PIEZO2: variants seen among roughly 807,000 people sequenced by gnomAD.
The protein encoded by PIEZO2 is piezo-type mechanosensitive ion channel component 2.
Under a neutral mutation model 337.3 loss-of-function variants are expected in PIEZO2, and 172 were observed. The ratio of observed to expected loss-of-function variants is 0.51; its 90% CI spans 0.45 to 0.58. The LOEUF (loss-of-function observed/expected upper bound fraction) is 0.58, where lower values mean the gene tolerates loss of function less well. Among genes scored for constraint, PIEZO2 ranks in the 20% least tolerant of loss-of-function variants. The probability of loss-of-function intolerance (pLI) is 0.00; values close to 1 mark genes in which losing one functional copy is unlikely to be tolerated. For synonymous variants in PIEZO2, 1,251 were observed against 1,228.5 expected, an observed-to-expected ratio of 1.02 and a Z score of -0.38; for missense variants, 3,028 against 3,391.3, an observed-to-expected ratio of 0.89 and a Z score of 2.66.
chr18:10,996,936 A>G (rs1391548102), intron 2 of PIEZO2, among the ~76,000 whole-genome samples: 3 of 152,178 alleles, frequency 2.0e-5, no homozygotes, highest in Non-Finnish European at 4.4e-5. Flanking sequence ...GGTCCCAAGA[A>G]CTAAAGATTA....
At chr18:10,871,519 A>T (rs1272498950) in intron 4 of PIEZO2, 104 bp from the exon 5 acceptor site, 1 of 1,113,466 alleles carries the variant, frequency 9.0e-7, no homozygotes, top group Non-Finnish European at 1.2e-6. Flanking sequence ...TTTAAAATAA[A>T]AGATGCTCCG....
At chr18:10,814,145 T>A (rs1251970145) in intron 7 of PIEZO2, among the ~76,000 whole-genome samples, 6 of 151,624 alleles carry the variant, frequency 4.0e-5, no homozygotes, top group African/African-American at 7.3e-5. Flanking sequence ...TTTTTTGTAT[T>A]TTTTTAGTAG....
chr18:10,765,597 G>C lies in PIEZO2; in HGVS notation c.2947-2499C>G, dbSNP rs543680148. Among the ~76,000 whole-genome samples, 5 of 152,346 alleles carry C rather than the reference G, an allele frequency of 3.3e-5. No individual in the cohort carries two copies. In the South Asian group the frequency reaches 1.0e-3, roughly 32 times the overall value. ...AGTAATCTAAAGGGCAATGGAGGCA[G>C]AGGGAGTGAGTAGGACACCTGAAAG... On this transcript the variant is annotated intron_variant, in intron 21 of 55. Transcript: ENST00000674853.
At chr18:11,081,806 C>A (rs979966320) in intron 1 of PIEZO2, among the ~76,000 whole-genome samples, 1 of 150,438 alleles carries the variant, frequency 6.6e-6, no homozygotes, top group African/African-American at 2.4e-5. Context: ...GTCGCCCAGG[C>A]TGGAGTGCAG....
At chr18:10,999,685 G>A (rs939172458) in intron 2 of PIEZO2, among the ~76,000 whole-genome samples, 2 of 152,128 alleles carry the variant, frequency 1.3e-5, no homozygotes, top group African/African-American at 2.4e-5. Flanking sequence ...AATACTAAGA[G>A]ACAACTGTAC....
At chr18:10,880,873 ATAT>A (rs1474299613) in intron 4 of PIEZO2, among the ~76,000 whole-genome samples, 2 of 86,316 alleles carry the variant, frequency 2.3e-5, no homozygotes, top group Non-Finnish European at 4.5e-5. Flanking sequence ...ATATATATAT[ATAT>A]ATATATATAT....
chr18:10,857,384 C>T (rs914984703), intron 5 of PIEZO2, among the ~76,000 whole-genome samples, 173 bp from the exon 6 acceptor site: 6 of 152,082 alleles, frequency 3.9e-5, no homozygotes, highest in Non-Finnish European at 5.9e-5. Flanking sequence ...CCGTATAAGC[C>T]CAAGTAACTC....
intron 43 of PIEZO2, among the ~76,000 whole-genome samples, chr18:10,700,059 T>A (rs1267663351): frequency 1.3e-5 from 2 of 152,190 alleles, no homozygotes; most frequent in Non-Finnish European, 2.9e-5. Flanking sequence ...ATTCAATGAA[T>A]GTATTCTTAT....
chr18:11,117,105 C>G (rs546040061), intron 1 of PIEZO2, among the ~76,000 whole-genome samples: 42 of 152,084 alleles, frequency 2.8e-4, no homozygotes, highest in African/African-American at 9.9e-4. Flanking sequence ...GATTCTGTCC[C>G]CCCCACAAAA....
intron 1 of PIEZO2, among the ~76,000 whole-genome samples, chr18:11,107,670 TA>T (rs2039608010): frequency 6.6e-6 from 1 of 152,234 alleles, no homozygotes; most frequent in South Asian, 2.1e-4. Context: ...TGGCCCTGCC[TA>T]AAATTATTAA....
rs1021455926 is a variant in PIEZO2, at chr18:10,715,848, G to A, written c.5090-32C>T. On this transcript the variant is annotated intron_variant, in intron 37 of 55. Coordinates refer to ENST00000674853, the MANE Select transcript of PIEZO2 (RefSeq NM_001378183.1). ...GGAAGAAAGGCAACAAGATGTTAAA[G>A]GAACAAAATACCATTGATTTTACTT... 9 of 1,459,814 alleles carry A rather than the reference G, an allele frequency of 6.2e-6. No individual in the cohort carries two copies. In the African/African-American group the frequency reaches 1.3e-4, roughly 21 times the overall value. The allele number at this position is 1,459,814 out of a possible 1,614,324, so 90.4% of individuals were successfully genotyped here. A position where few individuals can be genotyped will look rare whatever the true frequency, so the allele number is the denominator to read the frequency against.
intron 1 of PIEZO2, among the ~76,000 whole-genome samples, chr18:11,118,888 C>T (rs9958489): frequency 0.28 from 42,673 of 152,044 alleles, 9,542 homozygotes; most frequent in African/African-American, 0.62. Context: ...AGACACAATC[C>T]TACTGGAGAA....
intron 47 of PIEZO2, among the ~76,000 whole-genome samples, chr18:10,692,747 C>A (rs2034906693): frequency 6.6e-6 from 1 of 152,230 alleles, no homozygotes; most frequent in Admixed American, 6.5e-5. Flanking sequence ...TGAGGCTACA[C>A]CTCACTGCTT....
At chr18:10,829,624 T>C (rs2040783666) in intron 7 of PIEZO2, among the ~76,000 whole-genome samples, 1 of 151,982 alleles carries the variant, frequency 6.6e-6, no homozygotes, top group South Asian at 2.1e-4. Context: ...AAAATCAACA[T>C]ACAAAAATCA....
At chr18:10,958,760 A>G (rs576811482) in intron 3 of PIEZO2, among the ~76,000 whole-genome samples, 1 of 152,328 alleles carries the variant, frequency 6.6e-6, no homozygotes, top group East Asian at 1.9e-4. Context: ...GCATTCATGT[A>G]CTTCGGGCAA....
chr18:11,124,792 T>G (rs957785503), intron 1 of PIEZO2, among the ~76,000 whole-genome samples: 1 of 152,122 alleles, frequency 6.6e-6, no homozygotes, highest in African/African-American at 2.4e-5. Flanking sequence ...GAATAAACAA[T>G]ACACTTTAAA....
At position 10,671,272 on chromosome 18, in the gene PIEZO2, G is replaced by T; in HGVS notation, c.*255C>A. ...ATTCCTTCACATGATCAATCAGAAT[G>T]CGAGACACTGTTGACTAAAACATAA... is the stretch of plus-strand genomic sequence containing the variant. On this transcript the variant is annotated 3_prime_UTR_variant, in exon 56 of 56. Coordinates refer to ENST00000674853, the MANE Select transcript of PIEZO2 (RefSeq NM_001378183.1). The T allele has an allele frequency of 2.9e-6, 1 of 349,864 alleles. No individual in the cohort carries two copies. The allele number at this position is 349,864 out of a possible 1,614,324, so 21.7% of individuals were successfully genotyped here. A position where few individuals can be genotyped will look rare whatever the true frequency, so the allele number is the denominator to read the frequency against.
intron 7 of PIEZO2, among the ~76,000 whole-genome samples, chr18:10,844,538 C>T (rs573065331): frequency 2.0e-5 from 3 of 151,892 alleles, no homozygotes; most frequent in African/African-American, 7.2e-5. Context: ...CCTGTAATGC[C>T]AGCACTTTGG....
At chr18:10,936,856 G>A (rs574332406) in intron 3 of PIEZO2, among the ~76,000 whole-genome samples, 7 of 152,182 alleles carry the variant, frequency 4.6e-5, no homozygotes, top group South Asian at 4.1e-4. Context: ...TGTGCAGCTC[G>A]TCTGGCAGGA....
Sources: gnomAD v4.1 joint callset for allele counts (sites outside exome capture counted in the v4.1 genomes callset) on GRCh38, gnomAD v4.1.1 for gene constraint, MANE v1.5 for transcripts, NCBI Gene and HGNC (gene_info 2026-07-23, HGNC 2026-07-21) for gene names.